POP1: variants seen among roughly 807,000 people sequenced by gnomAD.
The protein encoded by POP1 is POP1 ribonuclease P/MRP subunit.
POP1 carries 75 observed loss-of-function variants against 102.2 expected under a neutral mutation model. That is an observed-to-expected ratio of 0.73 (90% CI 0.61 to 0.89). The LOEUF is 0.89. POP1 is among the 40% of genes least tolerant of loss of function. The pLI is 0.00. For missense variants in POP1, 1,116 were observed against 1,267.4 expected (o/e 0.88, Z 1.81); for synonymous variants, 436 against 464.1 (o/e 0.94, Z 0.78).
intron 11 of POP1, among the ~76,000 whole-genome samples, chr8:98,143,789 A>G (rs994873698): frequency 2.0e-5 from 3 of 152,110 alleles, no homozygotes; most frequent in African/African-American, 7.2e-5. Flanking sequence ...TTAGAATATT[A>G]TATAATTGGA....
rs779652620 is a variant in POP1, at chr8:98,156,280, T to C, written c.2288T>C (p.Ile763Thr). 2.5e-6 allele frequency: 4 copies of C among 1,613,966 alleles called. No individual in the cohort carries two copies. In the Admixed American group the frequency reaches 6.7e-5, roughly 27 times the overall value. ...CCATCTGATGAAGTGGGCACATCCA[T>C]AGAGCACCCCAGGGAGGCAGAGGAG... is the stretch of plus-strand genomic sequence containing the variant. ...HQPSDEVGTS[I>T]EHPREAEEVM... The change falls in exon 15 of 16, where the codon ATA becomes ACA. Residue 763 changes from isoleucine (I) to threonine (T), a missense_variant. Physicochemically the swap from Ile to Thr is moderately conservative, Grantham distance 89. Transcript: ENST00000401707.
intron 14 of POP1, among the ~76,000 whole-genome samples, chr8:98,151,544 C>T (rs1162365925): frequency 6.6e-6 from 1 of 152,128 alleles, no homozygotes; most frequent in Non-Finnish European, 1.5e-5. Context: ...CAGAAGCTGT[C>T]TCTCTTTATT....
At chr8:98,149,767 A>G (rs1809471488) in intron 13 of POP1, among the ~76,000 whole-genome samples, 1 of 149,776 alleles carries the variant, frequency 6.7e-6, no homozygotes, top group Non-Finnish European at 1.5e-5. Flanking sequence ...AAATAAATAA[A>G]TAAATAAAAT....
intron 12 of POP1, 141 bp from the exon 13 acceptor site, chr8:98,148,674 C>G: frequency 1.3e-6 from 1 of 774,974 alleles, no homozygotes; most frequent in Non-Finnish European, 2.2e-6. Flanking sequence ...CTTAAAATGG[C>G]TCACATTTAT....
chr8:98,143,354 CT>C (rs943150759), intron 11 of POP1, among the ~76,000 whole-genome samples: 2 of 152,144 alleles, frequency 1.3e-5, no homozygotes, highest in African/African-American at 4.8e-5. Context: ...TGTAAATAGA[CT>C]TTATTATTTT....
intron 2 of POP1, among the ~76,000 whole-genome samples, chr8:98,127,114 G>A (rs968635544): frequency 2.0e-5 from 3 of 152,212 alleles, no homozygotes; most frequent in South Asian, 2.1e-4. Context: ...TGGAAGGAGC[G>A]AGGGTCTCTG....
chr8:98,147,813 T>G (rs967865404), intron 12 of POP1, among the ~76,000 whole-genome samples: 3 of 152,196 alleles, frequency 2.0e-5, no homozygotes, highest in Admixed American at 1.3e-4. Context: ...GGTCCTGATA[T>G]TCTAGCTTGG....
intron 15 of POP1, among the ~76,000 whole-genome samples, chr8:98,156,692 T>C (rs929289320): frequency 1.3e-5 from 2 of 152,178 alleles, no homozygotes; most frequent in African/African-American, 4.8e-5. Flanking sequence ...TTTTATGCAG[T>C]TTGAGCAAGG....
At chr8:98,155,721 T>C (rs1294064664) in intron 14 of POP1, among the ~76,000 whole-genome samples, 1 of 151,496 alleles carries the variant, frequency 6.6e-6, no homozygotes, top group Non-Finnish European at 1.5e-5. Context: ...GTTGGGATTA[T>C]AGGCACCCTC....
chr8:98,136,994 G>T, intron 9 of POP1, 40 bp downstream of exon 9: 1 of 1,527,562 alleles, frequency 6.5e-7, no homozygotes, highest in Non-Finnish European at 9.1e-7. Flanking sequence ...TTCTAATCAT[G>T]TTTTTCCTGT....
intron 11 of POP1, among the ~76,000 whole-genome samples, chr8:98,145,552 A>G (rs1028205345): frequency 3.9e-5 from 6 of 152,170 alleles, no homozygotes; most frequent in African/African-American, 1.4e-4. Flanking sequence ...AGTACTTTCT[A>G]GCACGGTACA....
chr8:98,146,510 A>G, intron 11 of POP1, 58 bp from the exon 12 acceptor site: 1 of 1,218,986 alleles, frequency 8.2e-7, no homozygotes, highest in Admixed American at 1.7e-5. Flanking sequence ...CAATGTTTGG[A>G]GTTTGACTTC....
intron 1 of POP1, among the ~76,000 whole-genome samples, chr8:98,122,174 A>G (rs1816048722): frequency 6.6e-6 from 1 of 152,206 alleles, no homozygotes; most frequent in Non-Finnish European, 1.5e-5. Flanking sequence ...GTAATGCAGT[A>G]AATCAAAGCA....
At chr8:98,130,551 AGAG>A (rs1283542898) in intron 5 of POP1, among the ~76,000 whole-genome samples, 4 of 136,720 alleles carry the variant, frequency 2.9e-5, no homozygotes, top group African/African-American at 1.1e-4. Flanking sequence ...AGATGGGAGG[AGAG>A]GGGGAAGGCA....
chr8:98,147,566 G>C (rs1315592922), intron 12 of POP1, among the ~76,000 whole-genome samples: 1 of 152,154 alleles, frequency 6.6e-6, no homozygotes, highest in Non-Finnish European at 1.5e-5. Context: ...ATTTCACTCT[G>C]ACAGCAGTGT....
chr8:98,132,158 G>T (rs1816400234), intron 5 of POP1, among the ~76,000 whole-genome samples: 1 of 152,138 alleles, frequency 6.6e-6, no homozygotes, highest in Non-Finnish European at 1.5e-5. Context: ...CTTAATATAT[G>T]CCCTACCCTG....
At position 98,150,425 on chromosome 8, in the gene POP1, A is replaced by G. The variant is rs1439128613; in HGVS notation, c.1903-60A>G. On this transcript the variant is annotated intron_variant, in intron 13 of 15. Transcript: ENST00000401707. Reference sequence around the variant, plus strand: ...GTTGTTTCCATTTTCCCCCATATAAACATTAAGCAATTCACTTTAAGTTGG... The same window carrying G: ...GTTGTTTCCATTTTCCCCCATATAAGCATTAAGCAATTCACTTTAAGTTGG... 6 of 1,592,292 alleles carry G rather than the reference A, an allele frequency of 3.8e-6. No individual in the cohort carries two copies. In the African/African-American group the frequency reaches 6.7e-5, roughly 18 times the overall value.
rs1241645075 is a variant in POP1, at chr8:98,158,921, C to G, written c.*650C>G. 6.6e-6 allele frequency: 1 copy of G among 152,160 alleles called. No homozygotes were observed. The highest frequency in any genetic ancestry group is 1.5e-5 in the Non-Finnish European group (1 of 68,036). The allele number at this position is 152,160 out of a possible 1,614,324, so 9.4% of individuals were successfully genotyped here. On this transcript the variant is annotated 3_prime_UTR_variant, in exon 16 of 16. Transcript: ENST00000401707. Reference sequence around the variant, plus strand: ...TTGATCTCTTTGTTGTTGACCAACACTTGATCCTACTAGTTACTTAATTTT... The same window carrying G: ...TTGATCTCTTTGTTGTTGACCAACAGTTGATCCTACTAGTTACTTAATTTT...
At chr8:98,140,597 G>A (rs1280463878) in intron 10 of POP1, among the ~76,000 whole-genome samples, 172 bp from the exon 11 acceptor site, 2 of 152,096 alleles carry the variant, frequency 1.3e-5, no homozygotes, top group African/African-American at 4.8e-5. Context: ...CATTCTTTAT[G>A]AATGTTAACT....
Sources: gnomAD v4.1 joint callset for allele counts (sites outside exome capture counted in the v4.1 genomes callset) on GRCh38, gnomAD v4.1.1 for gene constraint, MANE v1.5 for transcripts, NCBI Gene and HGNC (gene_info 2026-07-23, HGNC 2026-07-21) for gene names.